Variants in PDE4C observed in about 807,000 individuals in gnomAD.
PDE4C encodes 3',5'-cyclic-AMP phosphodiesterase 4C.
A neutral mutation model predicts 63.9 loss-of-function variants in PDE4C; 50 were observed. The observed-to-expected ratio is 0.78, with a 90% CI of 0.62 to 0.99. The LOEUF (loss-of-function observed/expected upper bound fraction) is 0.99. Ranked by LOEUF, PDE4C falls within the 50% of genes least tolerant of loss-of-function variation. The pLI, the probability that PDE4C is intolerant of heterozygous loss-of-function variation, is 0.00. For synonymous variants in PDE4C, 377 were observed against 385.1 expected (o/e 0.98, Z 0.25); for missense variants, 777 against 899.1 (o/e 0.86, Z 1.74).
chr19:18,231,868 C>G (rs903573329), intron 1 of PDE4C, among the ~76,000 whole-genome samples: 5 of 152,030 alleles, frequency 3.3e-5, no homozygotes, highest in Non-Finnish European at 5.9e-5. Flanking sequence ...TAACCCCACC[C>G]CACTCAACTT....
chr19:18,249,313 C>T (rs1969195715), upstream of PDE4C, among the ~76,000 whole-genome samples: 1 of 152,090 alleles, frequency 6.6e-6, no homozygotes, highest in South Asian at 2.1e-4. Flanking sequence ...CTCACTCTGT[C>T]ACCCAGACTA....
intron 12 of PDE4C, among the ~76,000 whole-genome samples, chr19:18,214,555 G>A (rs1357545953): frequency 6.6e-6 from 1 of 152,098 alleles, no homozygotes; most frequent in Admixed American, 6.6e-5. Flanking sequence ...AGGGGAGTTT[G>A]CAGCTCACTG....
intron 1 of PDE4C, among the ~76,000 whole-genome samples, chr19:18,222,539 A>C (rs2148031944): frequency 6.6e-6 from 1 of 151,788 alleles, no homozygotes; most frequent in Non-Finnish European, 1.5e-5. Context: ...CCTCAGTTCC[A>C]GATCTTCCTC....
At chr19:18,246,182 ATTTTTTTT>A (rs35056580) in intron 1 of PDE4C, among the ~76,000 whole-genome samples, 1 of 112,662 alleles carries the variant, frequency 8.9e-6, no homozygotes, top group Admixed American at 9.4e-5. Flanking sequence ...CACCAGGCTA[ATTTTTTTT>A]TTTTTTTTTT....
At chr19:18,242,066 G>A (rs886337760) in intron 1 of PDE4C, among the ~76,000 whole-genome samples, 4 of 152,162 alleles carry the variant, frequency 2.6e-5, no homozygotes, top group Admixed American at 6.6e-5. Context: ...TTTGAGCCGA[G>A]GCCTGAAAGA....
upstream of PDE4C, chr19:18,250,260 C>G (rs1357310482): frequency 1.0e-5 from 4 of 398,952 alleles, no homozygotes; most frequent in Middle Eastern, 6.2e-4. Context: ...TAGCAGCTCC[C>G]CCAACCATGC....
intron 1 of PDE4C, among the ~76,000 whole-genome samples, chr19:18,240,170 C>T (rs962366786): frequency 6.6e-6 from 1 of 151,910 alleles, no homozygotes; most frequent in African/African-American, 2.4e-5. Flanking sequence ...TGGGAAACTG[C>T]CAGGCATGGT....
intron 1 of PDE4C, among the ~76,000 whole-genome samples, chr19:18,231,555 G>C (rs995861529): frequency 6.6e-6 from 1 of 152,168 alleles, no homozygotes; most frequent in Non-Finnish European, 1.5e-5. Flanking sequence ...GCCAGGCTGG[G>C]GGCGAGAGGC....
upstream of PDE4C, among the ~76,000 whole-genome samples, chr19:18,249,367 C>G (rs1194098466): frequency 1.3e-5 from 2 of 152,080 alleles, no homozygotes. Context: ...CTCTGACTCC[C>G]AGGCTCAACC....
At chr19:18,249,732 T>G (rs1360946540), upstream of PDE4C, among the ~76,000 whole-genome samples, 2 of 151,838 alleles carry the variant, frequency 1.3e-5, no homozygotes. Flanking sequence ...GCCACCACGC[T>G]CAGCTAATTT....
At chr19:18,248,966 AG>A (rs1969188595), upstream of PDE4C, among the ~76,000 whole-genome samples, 1 of 151,402 alleles carries the variant, frequency 6.6e-6, no homozygotes, top group Admixed American at 6.6e-5. Flanking sequence ...CAGAGGTTGC[AG>A]TGAGCTGAGA....
chr19:18,243,170 C>T (rs574234039), intron 1 of PDE4C, among the ~76,000 whole-genome samples: 202 of 152,172 alleles, frequency 1.3e-3, no homozygotes, highest in African/African-American at 4.7e-3. Flanking sequence ...TGTAATGGCA[C>T]AGTCTCACTG....
chr19:18,221,142 C>A (rs769590869), exon 4 of PDE4C: 21 of 1,589,818 alleles, frequency 1.3e-5, no homozygotes, highest in Non-Finnish European at 1.8e-5. Flanking sequence ...GCAAGGGCCG[C>A]CACGTTGCTC....
intron 1 of PDE4C, among the ~76,000 whole-genome samples, chr19:18,224,803 C>T (rs1968656081): frequency 6.6e-6 from 1 of 152,236 alleles, no homozygotes; most frequent in Non-Finnish European, 1.5e-5. Flanking sequence ...CTTCTTAACC[C>T]TTCCCTGGCC....
rs760437402 is a variant in PDE4C at position 18,219,352 on chromosome 19, G to T, written c.752C>A (p.Ala251Asp). 1.4e-5 allele frequency: 23 copies of T among 1,613,422 alleles called. No homozygotes were observed. The South Asian group carries it at 2.5e-4, about 18-fold the overall frequency. The stretch of plus-strand genomic sequence containing the variant: ...ACTGATCCGGGACATGGGCTGTGGG[G>T]CCTCCTCAGCGGTCACCTTGGGCAG... Residue 251 changes from alanine (A) to aspartate (D), a missense_variant, in exon 8 of 15, where the codon GCC becomes GAC. Transcript: ENST00000262805.
intron 1 of PDE4C, among the ~76,000 whole-genome samples, chr19:18,223,043 G>C (rs116058934): frequency 0.013 from 2,018 of 150,914 alleles, 48 homozygotes; most frequent in African/African-American, 0.046. Flanking sequence ...TTTTTGAGAC[G>C]AAATATTGCT....
exon 1 of PDE4C, chr19:18,233,144 C>A (rs745939492): frequency 6.4e-7 from 1 of 1,558,400 alleles, no homozygotes; most frequent in South Asian, 1.2e-5. Flanking sequence ...GAGAGCGACT[C>A]AACCTGCTGC....
In PDE4C at chr19:18,242,315, A is replaced by C. The variant is rs772924008; in HGVS notation, c.-210+5856T>G. ...ACATAGTGAAACCCTTGTCTCTATA[A>C]AAATACAAAAATTACCTGGGTGTGG... is the stretch of plus-strand genomic sequence containing the variant. On this transcript the variant is annotated intron_variant, in intron 1 of 15. Transcript: ENST00000594617. Among the ~76,000 whole-genome samples, 29 of 151,388 alleles carry C rather than the reference A, an allele frequency of 1.9e-4. 1 individual carries two copies. The highest frequency in any genetic ancestry group is 1.3e-4 in the Non-Finnish European group (9 of 67,996).
chr19:18,220,942 A>G lies in PDE4C; in HGVS notation c.450-19T>C. Reference sequence around the variant, plus strand: ...TCCCTGCCTGCGGTACAGCAGCCTCAGGCGTGGCTGCTCCGCCCATCTCGC... The same window carrying G: ...TCCCTGCCTGCGGTACAGCAGCCTCGGGCGTGGCTGCTCCGCCCATCTCGC... On this transcript the variant is annotated intron_variant, in intron 4 of 14. Transcript: ENST00000262805. The surrounding 1 kb of genome is among the most constrained non-coding windows in gnomAD (Gnocchi z 5.1). 5.0e-6 allele frequency: 8 copies of G among 1,595,158 alleles called. No individual in the cohort carries two copies. Among genetic ancestry groups the G allele is most frequent in the African/African-American group, 1.3e-5 (1 of 74,938 alleles).
Sources: gnomAD v4.1 joint callset for allele counts (sites outside exome capture counted in the v4.1 genomes callset) on GRCh38, gnomAD v4.1.1 for gene constraint, Gnocchi (gnomAD v3.1) non-coding constraint, MANE v1.5 for transcripts, NCBI Gene and HGNC (gene_info 2026-07-23, HGNC 2026-07-21) for gene names.